ATP8A2: variants seen among roughly 807,000 people sequenced by gnomAD.
The protein encoded by ATP8A2 is ATPase phospholipid transporting 8A2.
In ATP8A2, 100 loss-of-function variants were observed where a neutral mutation model predicts 165.6. That is an observed-to-expected ratio of 0.60 (90% CI 0.51 to 0.71). The LOEUF (loss-of-function observed/expected upper bound fraction) is 0.71. Ranked by LOEUF, ATP8A2 falls within the 30% of genes least tolerant of loss-of-function variation. ATP8A2 has a pLI of 0.00. For missense variants in ATP8A2, 1,227 were observed against 1,479.5 expected, an observed-to-expected ratio of 0.83 and a Z score of 2.80; for synonymous variants, 543 against 548.8, an observed-to-expected ratio of 0.99 and a Z score of 0.15.
chr13:25,974,453 G>A (rs192475082), intron 35 of ATP8A2, among the ~76,000 whole-genome samples: 1 of 152,126 alleles, frequency 6.6e-6, no homozygotes, highest in East Asian at 1.9e-4. Flanking sequence ...ACGAATGGCC[G>A]TAGTGAATGT....
intron 2 of ATP8A2, among the ~76,000 whole-genome samples, chr13:25,512,556 G>A (rs535007308): frequency 7.0e-4 from 106 of 150,482 alleles, no homozygotes; most frequent in African/African-American, 2.5e-3. Flanking sequence ...GCCGGGCAGA[G>A]GGGCTCCTCA....
chr13:25,492,268 C>T (rs910386484), intron 2 of ATP8A2, among the ~76,000 whole-genome samples: 130 of 152,300 alleles, frequency 8.5e-4, no homozygotes, highest in African/African-American at 3.1e-3. Flanking sequence ...GTTGGCCAGG[C>T]TGTTCTTGAA....
At chr13:25,563,073 C>T (rs2039207128) in intron 15 of ATP8A2, among the ~76,000 whole-genome samples, 1 of 152,210 alleles carries the variant, frequency 6.6e-6, no homozygotes, top group African/African-American at 2.4e-5. Context: ...ATACACTCTG[C>T]TGTCATGTCT....
rs1453587959 is a variant in ATP8A2 at position 25,927,822 on chromosome 13, A to G, written c.3184-33753A>G. ...TGCCTAGAGTATGGCAAAAGCCCAGATGAAATTGCGATTGCTTTGTCTCCA... is the reference window on the plus strand; with the variant it reads ...TGCCTAGAGTATGGCAAAAGCCCAGGTGAAATTGCGATTGCTTTGTCTCCA... On this transcript the variant is annotated intron_variant, in intron 33 of 36. Transcript: ENST00000381655. Among the ~76,000 whole-genome samples, 3 of 152,254 alleles carry G rather than the reference A, an allele frequency of 2.0e-5. No individual in the cohort carries two copies. The East Asian group carries it at 5.8e-4, about 29-fold the overall frequency.
intron 33 of ATP8A2, among the ~76,000 whole-genome samples, chr13:25,899,715 A>C (rs990477924): frequency 6.6e-6 from 1 of 152,164 alleles, no homozygotes; most frequent in African/African-American, 2.4e-5. Flanking sequence ...GGGTGCAGGA[A>C]GAAGAGCAGA....
At chr13:25,468,833 G>C (rs1304048656) in intron 1 of ATP8A2, 144 bp from the exon 2 acceptor site, 11 of 1,329,180 alleles carry the variant, frequency 8.3e-6, no homozygotes, top group African/African-American at 1.5e-5. Flanking sequence ...TCTCCAGGGG[G>C]AGCCAAGGTA....
intron 1 of ATP8A2, among the ~76,000 whole-genome samples, chr13:25,374,047 A>G (rs2032525836): frequency 6.6e-6 from 1 of 152,174 alleles, no homozygotes; most frequent in Non-Finnish European, 1.5e-5. Flanking sequence ...GTCAATGTGT[A>G]CAGATGTGAC....
At chr13:25,680,087 C>T (rs373212813) in intron 24 of ATP8A2, among the ~76,000 whole-genome samples, 2 of 151,950 alleles carry the variant, frequency 1.3e-5, no homozygotes, top group Admixed American at 6.6e-5. Context: ...TTGGTGTGAC[C>T]GTGCTAATTG....
intron 25 of ATP8A2, among the ~76,000 whole-genome samples, chr13:25,708,210 A>G (rs535876149): frequency 1.3e-5 from 2 of 152,360 alleles, no homozygotes; most frequent in East Asian, 3.9e-4. Context: ...AACAAACCAG[A>G]AAAGAAAATC....
intron 33 of ATP8A2, among the ~76,000 whole-genome samples, chr13:25,952,137 A>G (rs995943400): frequency 6.6e-6 from 1 of 152,170 alleles, no homozygotes; most frequent in Non-Finnish European, 1.5e-5. Context: ...TTCTGAAATG[A>G]GTGCTAGTAG....
chr13:25,791,519 C>G (rs2045172589), intron 27 of ATP8A2, among the ~76,000 whole-genome samples: 1 of 137,226 alleles, frequency 7.3e-6, no homozygotes, highest in African/African-American at 2.9e-5. Flanking sequence ...ACATGTATCC[C>G]CGAACTTAAA....
At chr13:25,603,087 G>A (rs1040734132) in intron 24 of ATP8A2, among the ~76,000 whole-genome samples, 14 of 152,046 alleles carry the variant, frequency 9.2e-5, no homozygotes, top group Non-Finnish European at 1.9e-4. Flanking sequence ...AAATAAATAA[G>A]TAAAAGGGTA....
intron 33 of ATP8A2, among the ~76,000 whole-genome samples, chr13:25,862,942 T>A (rs1333879217): frequency 1.3e-5 from 2 of 152,216 alleles, no homozygotes; most frequent in African/African-American, 4.8e-5. Context: ...CTCATTTGAA[T>A]GTTTTTTATT....
chr13:25,833,550 TGTA>T (rs1239749993), intron 28 of ATP8A2, among the ~76,000 whole-genome samples: 1 of 152,148 alleles, frequency 6.6e-6, no homozygotes, highest in African/African-American at 2.4e-5. Flanking sequence ...GAGTCAGATG[TGTA>T]ATACATGAAA....
At chr13:25,859,830 C>G (rs1466228598) in intron 30 of ATP8A2, among the ~76,000 whole-genome samples, 2 of 152,048 alleles carry the variant, frequency 1.3e-5, no homozygotes, top group African/African-American at 4.8e-5. Context: ...TAAAGAATAC[C>G]TGGAAAAAGC....
chr13:25,881,383 G>A (rs1952973780), intron 33 of ATP8A2, among the ~76,000 whole-genome samples: 2 of 152,190 alleles, frequency 1.3e-5, no homozygotes, highest in Non-Finnish European at 2.9e-5. Context: ...CCATGCTGAA[G>A]TTTCTCATGT....
At chr13:25,700,141 TA>T (rs2042921028) in intron 25 of ATP8A2, among the ~76,000 whole-genome samples, 1 of 152,146 alleles carries the variant, frequency 6.6e-6, no homozygotes, top group South Asian at 2.1e-4. Context: ...GTTGTACCTT[TA>T]AGTCAGGAAA....
At chr13:25,430,311 C>T (rs1168747089) in intron 1 of ATP8A2, among the ~76,000 whole-genome samples, 4 of 151,838 alleles carry the variant, frequency 2.6e-5, no homozygotes, top group South Asian at 2.1e-4. Context: ...TGGGGGGGCC[C>T]GTGTGGAGGG....
intron 25 of ATP8A2, among the ~76,000 whole-genome samples, chr13:25,718,735 C>T (rs1319997080): frequency 6.6e-6 from 1 of 152,134 alleles, no homozygotes; most frequent in Non-Finnish European, 1.5e-5. Flanking sequence ...AAGATTAAAA[C>T]ACCAGTAAAT....
Sources: allele counts gnomAD v4.1 joint callset (sites outside exome capture counted in the v4.1 genomes callset), GRCh38; gene constraint gnomAD v4.1.1; transcripts MANE v1.5; gene names NCBI Gene and HGNC (gene_info 2026-07-23, HGNC 2026-07-21).